Variants in USP16 observed in about 807,000 individuals in gnomAD.
USP16 encodes ubiquitin carboxyl-terminal hydrolase 16.
In USP16, 77 loss-of-function variants were observed where a neutral mutation model predicts 95.9. The observed-to-expected ratio is 0.80, with a 90% confidence interval of 0.67 to 0.97. The LOEUF is 0.97. USP16 is among the 50% of genes least tolerant of loss of function. The pLI is 0.00. For missense variants in USP16, 943 were observed against 959.9 expected (o/e 0.98, Z 0.23); for synonymous variants, 303 against 318.2 (o/e 0.95, Z 0.51).
rs372200254 is a variant in USP16, at chr21:29,038,406, T to C, written c.708T>C (p.Ile236=). The part of the protein sequence containing the change: ...EVKMSGTIVK[I]EPPDLALTEP... ...AAATGTCTGGAACAATTGTAAAAATTGAACCACCTGATTTGGCATTAACAG... is the reference window on the plus strand; with the variant it reads ...AAATGTCTGGAACAATTGTAAAAATCGAACCACCTGATTTGGCATTAACAG... Residue 236 remains isoleucine, a synonymous_variant, in exon 7 of 18, where the codon ATT becomes ATC. Coordinates refer to ENST00000399976, the MANE Select transcript of USP16 (RefSeq NM_006447.3). 3.1e-6 allele frequency: 5 copies of C among 1,612,652 alleles called. No homozygotes were observed. In the African/African-American group the frequency reaches 6.7e-5, roughly 22 times the overall value.
chr21:29,054,335 A>G lies in USP16; in HGVS notation c.*148A>G. ...TGTTTATTTAAATATTGAAGGGAAA[A>G]ATACCTAAAAATGTACAAAGGTTTT... is the stretch of plus-strand genomic sequence containing the variant. On this transcript the variant is annotated 3_prime_UTR_variant, in exon 18 of 18. Coordinates refer to ENST00000399976, the MANE Select transcript of USP16 (RefSeq NM_006447.3). 1 of 1,022,208 alleles carries G rather than the reference A, an allele frequency of 9.8e-7. No homozygotes were observed. The highest frequency in any genetic ancestry group is 1.4e-6 in the Non-Finnish European group (1 of 724,940). 63.3% of individuals were successfully genotyped at this position (1,022,208 alleles called of 1,614,324 possible).
At chr21:29,029,608 T>C (rs2085049010) in intron 2 of USP16, among the ~76,000 whole-genome samples, 1 of 152,214 alleles carries the variant, frequency 6.6e-6, no homozygotes, top group East Asian at 1.9e-4. Context: ...AACTCAGCAC[T>C]GTAGAGTGGT....
In USP16 at chr21:29,037,505, C is replaced by A. The variant is rs372092817; in HGVS notation, c.636+42C>A. On this transcript the variant is annotated intron_variant, in intron 6 of 17. Transcript: ENST00000399976. ...TTCCCTTTAAAAAAGCTGTCCTTTTCCTCATAGAATCTGCTACTTACATTA... is the reference window on the plus strand; with the variant it reads ...TTCCCTTTAAAAAAGCTGTCCTTTTACTCATAGAATCTGCTACTTACATTA... 435 of 1,440,840 alleles carry A rather than the reference C, an allele frequency of 3.0e-4. 7 individuals are homozygous for A. In the South Asian group the frequency reaches 6.2e-3, roughly 20 times the overall value. 89.3% of individuals were successfully genotyped at this position (1,440,840 alleles called of 1,614,324 possible).
At chr21:29,029,572 T>C (rs1023655062) in intron 2 of USP16, among the ~76,000 whole-genome samples, 2 of 152,220 alleles carry the variant, frequency 1.3e-5, no homozygotes, top group African/African-American at 4.8e-5. Context: ...CTTGACTAGT[T>C]TCTAAACCTC....
chr21:29,024,885 C>T (rs2084962260), intron 1 of USP16, 108 bp downstream of exon 1: 4 of 1,112,896 alleles, frequency 3.6e-6, no homozygotes, highest in South Asian at 1.6e-5. Flanking sequence ...GGCCGCTCTC[C>T]TTAAGCACGT....
At chr21:29,026,259 C>T (rs2084985031) in intron 1 of USP16, among the ~76,000 whole-genome samples, 1 of 152,044 alleles carries the variant, frequency 6.6e-6, no homozygotes, top group Admixed American at 6.6e-5. Context: ...GAGTTCAGAC[C>T]AGCATGGCCA....
At position 29,042,068 on chromosome 21, in the gene USP16, A is replaced by G. The variant is rs1178294928; in HGVS notation, c.1086A>G (p.Glu362=). ...TTGTTGACCGCATCTTTGGTGGTGA[A>G]CTAACTAGTATGATCATGTGTGATC... The part of the protein sequence containing the change: ...PSFVDRIFGG[E]LTSMIMCDQC... Residue 362 remains glutamate (E), a synonymous_variant, in exon 11 of 18, where the codon GAA becomes GAG. Coordinates refer to ENST00000399976, the MANE Select transcript of USP16 (RefSeq NM_006447.3). The G allele has an allele frequency of 3.1e-6, 5 of 1,613,412 alleles. No homozygotes were observed. The Admixed American group carries it at 6.7e-5, about 22-fold the overall frequency.
chr21:29,052,075 T>C (rs1387158592), intron 16 of USP16: 1 of 152,164 alleles, frequency 6.6e-6, no homozygotes, highest in African/African-American at 2.4e-5. Context: ...ATACATGTGA[T>C]TGAAGTTCCC....
rs753157966 is a variant in USP16, at chr21:29,043,437, T to C, written c.1194T>C (p.Ser398=). 6.5e-7 allele frequency: 1 copy of C among 1,538,882 alleles called. No individual in the cohort carries two copies. Among genetic ancestry groups the C allele is most frequent in the South Asian group, 1.3e-5 (1 of 75,528 alleles). Residue 398 remains serine, a synonymous_variant, in exon 13 of 18, where the codon AGT becomes AGC. Transcript: ENST00000399976. ...PVLDDQSGKK[S]VNDKNLKKTV... is the part of the protein sequence containing the mutation. ...TATATTTTAAGAGTGGTAAGAAAAG[T>C]GTAAATGATAAAAATCTGAAAAAGA...
chr21:29,041,331 T>A (rs527625227), intron 10 of USP16, among the ~76,000 whole-genome samples: 2 of 152,282 alleles, frequency 1.3e-5, no homozygotes, highest in African/African-American at 4.8e-5. Flanking sequence ...GCATTTTCTG[T>A]CAGAAAAGTG....
At chr21:29,037,161 G>A (rs1288101426) in intron 5 of USP16, 115 bp from the exon 6 acceptor site, 2 of 593,270 alleles carry the variant, frequency 3.4e-6, no homozygotes, top group African/African-American at 3.9e-5. Context: ...GGGTGGGTGG[G>A]TTGGAAAGAA....
chr21:29,043,791 TGC>T (rs766085811), intron 13 of USP16, among the ~76,000 whole-genome samples, 192 bp downstream of exon 13: 16 of 152,222 alleles, frequency 1.1e-4, no homozygotes, highest in Non-Finnish European at 1.9e-4. Context: ...GAAAACGTCG[TGC>T]TTCTTTTTTT....
Position 29,046,808 on chromosome 21 carries a change from C to G in USP16, c.1498C>G (p.Gln500Glu), listed in dbSNP as rs748706340. 1 of 1,613,914 alleles carries G rather than the reference C, an allele frequency of 6.2e-7. No homozygotes were observed. The highest frequency in any genetic ancestry group is 1.3e-5 in the African/African-American group (1 of 74,894). ...AAATATTAAATCCAACCATATTTCA[C>G]AAGAGGGTGTTATGCATAAAGAATA... ...EVNIKSNHISQEGVMHKEYCV... is the reference protein window; with the variant it reads ...EVNIKSNHISEEGVMHKEYCV... The change falls in exon 14 of 18, where the codon CAA becomes GAA. Residue 500 changes from glutamine (Q) to glutamate (E), a missense_variant. Gln to Glu is a conservative substitution (Grantham distance 29). Coordinates refer to ENST00000399976, the MANE Select transcript of USP16 (RefSeq NM_006447.3).
Position 29,043,407 on chromosome 21 carries a change from T to C in USP16, c.1180-16T>C. On this transcript the variant is annotated splice_polypyrimidine_tract_variant and intron_variant, in intron 12 of 17. Coordinates refer to ENST00000399976, the MANE Select transcript of USP16 (RefSeq NM_006447.3). ...TGTAAAATTTTGTTTTTGACCTATGTTATCTATATTTTAAGAGTGGTAAGA... is the reference window on the plus strand; with the variant it reads ...TGTAAAATTTTGTTTTTGACCTATGCTATCTATATTTTAAGAGTGGTAAGA... 2.1e-6 allele frequency: 3 copies of C among 1,448,880 alleles called. No individual in the cohort carries two copies. Among genetic ancestry groups the C allele is most frequent in the Non-Finnish European group, 2.7e-6 (3 of 1,100,628 alleles). 89.8% of individuals were successfully genotyped at this position (1,448,880 alleles called of 1,614,324 possible).
intron 4 of USP16, among the ~76,000 whole-genome samples, chr21:29,035,795 T>C (rs1428624038): frequency 1.3e-5 from 2 of 151,968 alleles, no homozygotes; most frequent in African/African-American, 4.8e-5. Flanking sequence ...GGTGGGTGCC[T>C]GTAGTCCCAG....
Position 29,042,017 on chromosome 21 carries a change from T to C in USP16, c.1035T>C (p.Tyr345=), listed in dbSNP as rs2085251021. ...TAGACTTTTTTTTCTCCATAGATTA[T>C]GAGAAGAAAAAATCAATGCCAAGTT... The part of the protein sequence containing the change: ...DEELKNKVKD[Y]EKKKSMPSFV... Residue 345 remains tyrosine (Y), a synonymous_variant, in exon 11 of 18, where the codon TAT becomes TAC. Coordinates refer to ENST00000399976, the MANE Select transcript of USP16 (RefSeq NM_006447.3). The C allele has an allele frequency of 6.2e-7, 1 of 1,612,660 alleles. No individual in the cohort carries two copies. Among genetic ancestry groups the C allele is most frequent in the Non-Finnish European group, 8.5e-7 (1 of 1,179,298 alleles).
chr21:29,042,656 G>A (rs2085262609), intron 12 of USP16, 128 bp downstream of exon 12: 1 of 723,324 alleles, frequency 1.4e-6, no homozygotes, highest in Non-Finnish European at 2.2e-6. Flanking sequence ...TTAATTTGAG[G>A]TAGAATGCAT....
At chr21:29,035,465 C>T (rs1462678318) in intron 4 of USP16, among the ~76,000 whole-genome samples, 1 of 150,572 alleles carries the variant, frequency 6.6e-6, no homozygotes, top group East Asian at 2.0e-4. Context: ...CCTCCGCCTC[C>T]CAGGTTCAAG....
chr21:29,024,811 C>T (rs1019762714), intron 1 of USP16, 34 bp downstream of exon 1: 1 of 1,254,672 alleles, frequency 8.0e-7, no homozygotes, highest in African/African-American at 1.5e-5. Flanking sequence ...GCAGTCGTCG[C>T]TCGCCTGGCT....
Sources: gnomAD v4.1 joint callset for allele counts (sites outside exome capture counted in the v4.1 genomes callset) on GRCh38, gnomAD v4.1.1 for gene constraint, MANE v1.5 for transcripts, NCBI Gene and HGNC (gene_info 2026-07-23, HGNC 2026-07-21) for gene names.